Variants in SMIM40 observed in about 807,000 individuals in gnomAD.
The protein encoded by SMIM40 is small integral membrane protein 40.
chr6:33,326,845 G>C (rs1005603739), intron 1 of SMIM40, among the ~76,000 whole-genome samples: 1 of 146,372 alleles, frequency 6.8e-6, no homozygotes, highest in Non-Finnish European at 1.5e-5. Flanking sequence ...AAATAGGCCG[G>C]GCGTGGTGGC....
At position 33,323,823 on chromosome 6, in the gene SMIM40, GGCT is replaced by G; in HGVS notation, c.*138_*140del. 6.6e-6 allele frequency: 1 copy of G among 152,584 alleles called. No homozygotes were observed. Among genetic ancestry groups the G allele is most frequent in the South Asian group, 2.1e-4 (1 of 4,844 alleles). The allele number at this position is 152,584 out of a possible 1,614,324, so 9.5% of individuals were successfully genotyped here. A position where few individuals can be genotyped will look rare whatever the true frequency, so the allele number is the denominator to read the frequency against. ...CTGCGGATGGGCGATGATGGGGTGGGGCTTGGAGGAGAGTTTGTGCAAATTGCC... is the reference window on the plus strand; with the variant it reads ...CTGCGGATGGGCGATGATGGGGTGGGTGGAGGAGAGTTTGTGCAAATTGCC... On this transcript the variant is annotated 3_prime_UTR_variant, in exon 3 of 3. Coordinates refer to ENST00000494082, the MANE Select transcript of SMIM40 (RefSeq NM_001369203.1).
rs972063298 is a variant in SMIM40 at position 33,326,421 on chromosome 6, C to T, written c.*40-2391G>A. 1.3e-5 allele frequency among the ~76,000 whole-genome samples: 2 copies of T among 148,166 alleles called. 1 individual carries two copies. Among genetic ancestry groups the T allele is most frequent in the African/African-American group, 5.3e-5 (2 of 38,022 alleles). ...TCAAACTCCTGACCTCGTGATCCAC[C>T]CAACTCAGCCTCCCAAAGTGCTGGG... On this transcript the variant is annotated intron_variant, in intron 1 of 2. Transcript: ENST00000494082.
At chr6:33,327,024 T>C (rs1165940335) in intron 1 of SMIM40, among the ~76,000 whole-genome samples, 2 of 148,608 alleles carry the variant, frequency 1.3e-5, no homozygotes, top group Non-Finnish European at 2.9e-5. Context: ...TTTGGGAGGC[T>C]GAGGCAGGAG....
At position 33,326,765 on chromosome 6, in the gene SMIM40, A is replaced by G. The variant is rs901668993; in HGVS notation, c.*39+2222T>C. Among the ~76,000 whole-genome samples the G allele has an allele frequency of 6.1e-5, 9 of 146,940 alleles. No individual in the cohort carries two copies. The South Asian group carries it at 1.1e-3, about 17-fold the overall frequency. ...CTTGAATTTGGGAGGCAAAAGTTGC[A>G]GTGAGCCAAGATCACGCCACTGCAC... On this transcript the variant is annotated intron_variant, in intron 1 of 2. Coordinates refer to ENST00000494082, the MANE Select transcript of SMIM40 (RefSeq NM_001369203.1).
chr6:33,324,904 A>AAAAAAAAAG, intron 1 of SMIM40, among the ~76,000 whole-genome samples: 1 of 147,822 alleles, frequency 6.8e-6, no homozygotes, highest in Admixed American at 6.8e-5. Flanking sequence ...AAAAAAAAAA[A>AAAAAAAAAG]AAAAAAAAGG....
intron 1 of SMIM40, among the ~76,000 whole-genome samples, chr6:33,326,408 C>A (rs1322883191): frequency 6.8e-6 from 1 of 147,684 alleles, no homozygotes; most frequent in East Asian, 2.0e-4. Flanking sequence ...AAACTCCTGA[C>A]CTCGTGATCC....
At chr6:33,328,182 T>TTTTA (rs1056592958) in intron 1 of SMIM40, among the ~76,000 whole-genome samples, 4 of 151,420 alleles carry the variant, frequency 2.6e-5, no homozygotes, top group Admixed American at 2.6e-4. Context: ...TTATTTTTAT[T>TTTTA]TTTATTTATT....
intron 1 of SMIM40, among the ~76,000 whole-genome samples, chr6:33,326,327 A>AT (rs1419995300): frequency 2.0e-5 from 2 of 100,662 alleles, no homozygotes; most frequent in Non-Finnish European, 3.8e-5. Flanking sequence ...TGCCCAGCTA[A>AT]TTTTTTGTAT....
In SMIM40 at chr6:33,328,994, G is replaced by C. The variant is rs1209151793; in HGVS notation, c.*32C>G. On this transcript the variant is annotated 3_prime_UTR_variant, in exon 1 of 3. Coordinates refer to ENST00000494082, the MANE Select transcript of SMIM40 (RefSeq NM_001369203.1). ...TCCTGTCTCCCCTCTCACCTCCTTG[G>C]TGGGGAAAGAAGATGTTTATAGGAA... 4 of 398,354 alleles carry C rather than the reference G, an allele frequency of 1.0e-5. No homozygotes were observed. The highest frequency in any genetic ancestry group is 8.2e-5 in the African/African-American group (4 of 48,570). 24.7% of individuals were successfully genotyped at this position (398,354 alleles called of 1,614,324 possible). A position where few individuals can be genotyped will look rare whatever the true frequency, so the allele number is the denominator to read the frequency against.
At chr6:33,327,774 C>T (rs575483474) in intron 1 of SMIM40, among the ~76,000 whole-genome samples, 3 of 146,650 alleles carry the variant, frequency 2.0e-5, no homozygotes, top group South Asian at 4.4e-4. Flanking sequence ...GCAGGAGAAT[C>T]GCTAGAATCT....
At chr6:33,328,614 C>T (rs988688236) in intron 1 of SMIM40, among the ~76,000 whole-genome samples, 2 of 151,958 alleles carry the variant, frequency 1.3e-5, no homozygotes, top group East Asian at 1.9e-4. Context: ...CCTGGCCGGG[C>T]GCAGTGGCTC....
intron 1 of SMIM40, among the ~76,000 whole-genome samples, chr6:33,326,218 T>C (rs1771161246): frequency 1.3e-5 from 2 of 148,200 alleles, no homozygotes; most frequent in Admixed American, 6.6e-5. Context: ...TGGAGTTCAA[T>C]GGCACAATCT....
intron 1 of SMIM40, among the ~76,000 whole-genome samples, chr6:33,327,022 G>A (rs1343263027): frequency 1.3e-5 from 2 of 148,536 alleles, no homozygotes; most frequent in African/African-American, 2.6e-5. Flanking sequence ...TATTTGGGAG[G>A]CTGAGGCAGG....
chr6:33,324,506 CCT>C (rs1241376175), intron 1 of SMIM40, among the ~76,000 whole-genome samples: 2 of 150,440 alleles, frequency 1.3e-5, no homozygotes, highest in African/African-American at 2.4e-5. Context: ...GGAAATGTAC[CCT>C]GTTTCTTTCA....
intron 1 of SMIM40, among the ~76,000 whole-genome samples, chr6:33,328,709 A>C (rs992650811): frequency 6.6e-6 from 1 of 151,676 alleles, no homozygotes; most frequent in African/African-American, 2.4e-5. Flanking sequence ...TAACATGGAG[A>C]AACCTTGTCT....
At chr6:33,325,364 C>CAAAAA (rs9282494) in intron 1 of SMIM40, among the ~76,000 whole-genome samples, 18 of 89,312 alleles carry the variant, frequency 2.0e-4, no homozygotes, top group South Asian at 3.8e-4. Flanking sequence ...GACTCTGTCT[C>CAAAAA]AAAAAAAAAA....
chr6:33,327,451 C>A (rs1391488194), intron 1 of SMIM40, among the ~76,000 whole-genome samples: 1 of 149,276 alleles, frequency 6.7e-6, no homozygotes, highest in African/African-American at 2.6e-5. Context: ...TAAAATGTGG[C>A]CAGCTGTGGC....
intron 1 of SMIM40, among the ~76,000 whole-genome samples, chr6:33,324,540 CTT>C (rs1771011291): frequency 7.7e-6 from 1 of 129,350 alleles, no homozygotes; most frequent in African/African-American, 3.3e-5. Context: ...TGAATACCAC[CTT>C]TTCTTTTTTT....
chr6:33,327,248 C>T (rs1719304842), intron 1 of SMIM40, among the ~76,000 whole-genome samples: 1 of 148,662 alleles, frequency 6.7e-6, no homozygotes, highest in Non-Finnish European at 1.5e-5. Context: ...TGGTGACACC[C>T]CCGTCTCTAC....
Sources: gnomAD v4.1 joint callset for allele counts (sites outside exome capture counted in the v4.1 genomes callset) on GRCh38, gnomAD v4.1.1 for gene constraint, MANE v1.5 for transcripts, NCBI Gene and HGNC (gene_info 2026-07-23, HGNC 2026-07-21) for gene names.